The following BTBD9 variants were observed in gnomAD, a reference collection of about 807,000 sequenced individuals.
The protein encoded by BTBD9 is BTB domain containing 9.
BTBD9 carries 49 observed loss-of-function variants against 64.3 expected under a neutral mutation model. The observed-to-expected ratio is 0.76, with a 90% confidence interval of 0.61 to 0.97. The LOEUF is 0.97. BTBD9 is among the 50% of genes least tolerant of loss of function. BTBD9 has a pLI of 0.00. For synonymous variants in BTBD9, 260 were observed against 274.7 expected, an observed-to-expected ratio of 0.95 and a Z score of 0.53; for missense variants, 598 against 762.1, an observed-to-expected ratio of 0.78 and a Z score of 2.53.
chr6:38,396,902 T>TC (rs1400267245), intron 6 of BTBD9, among the ~76,000 whole-genome samples: 1 of 135,314 alleles, frequency 7.4e-6, no homozygotes, highest in South Asian at 2.6e-4. Flanking sequence ...TTTTTCTTTT[T>TC]TTTTTTTTTT....
At chr6:38,298,386 CATA>C (rs1033106767) in intron 7 of BTBD9, among the ~76,000 whole-genome samples, 26 of 152,210 alleles carry the variant, frequency 1.7e-4, no homozygotes, top group African/African-American at 5.3e-4. Context: ...AGTTTTGACA[CATA>C]ATATTTGTAC....
At chr6:38,411,907 C>A (rs1767443266) in intron 6 of BTBD9, among the ~76,000 whole-genome samples, 1 of 152,020 alleles carries the variant, frequency 6.6e-6, no homozygotes. Flanking sequence ...ATTTGGGCAA[C>A]AGGGCAAGAC....
At chr6:38,467,212 A>T (rs919571335) in intron 6 of BTBD9, among the ~76,000 whole-genome samples, 1 of 152,236 alleles carries the variant, frequency 6.6e-6, no homozygotes. Context: ...AAAGAATGCC[A>T]TAGAAAAGGA....
intron 10 of BTBD9, chr6:38,179,662 C>T (rs1040657809): frequency 1.1e-5 from 5 of 456,750 alleles, no homozygotes; most frequent in East Asian, 6.9e-5. Flanking sequence ...CTGCAAATGG[C>T]GAGTGGCAGG....
chr6:38,347,157 T>C (rs555018478), intron 6 of BTBD9, among the ~76,000 whole-genome samples: 4 of 152,320 alleles, frequency 2.6e-5, no homozygotes, highest in Admixed American at 6.5e-5. Context: ...AGTGCAAACA[T>C]TAGGAATGCG....
chr6:38,503,301 G>GAGA (rs1772298305), intron 6 of BTBD9, among the ~76,000 whole-genome samples: 1 of 151,798 alleles, frequency 6.6e-6, no homozygotes, highest in Non-Finnish European at 1.5e-5. Context: ...CCACAAACAG[G>GAGA]GCTGCTGCCC....
Position 38,345,107 on chromosome 6 carries a change from GAAAAGA to G in BTBD9, c.1155-20_1155-15del. On this transcript the variant is annotated splice_polypyrimidine_tract_variant and intron_variant, in intron 6 of 10. Coordinates refer to ENST00000481247, the MANE Select transcript of BTBD9 (RefSeq NM_001099272.2). ...ATTCGAATATACCTGACGGTAAAAA[GAAAAGA>G]AAATGTGTTGAAAATGAGCTCCCAC... 1 of 1,551,752 alleles carries G rather than the reference GAAAAGA, an allele frequency of 6.4e-7. No individual in the cohort carries two copies. Among genetic ancestry groups the G allele is most frequent in the South Asian group, 1.1e-5 (1 of 88,094 alleles).
chr6:38,231,600 C>T (rs1763606371), intron 9 of BTBD9, among the ~76,000 whole-genome samples: 1 of 152,178 alleles, frequency 6.6e-6, no homozygotes, highest in Non-Finnish European at 1.5e-5. Context: ...ACTCTATTTA[C>T]AGTAGGAACT....
At chr6:38,317,064 C>T (rs1271928900) in intron 7 of BTBD9, among the ~76,000 whole-genome samples, 3 of 150,880 alleles carry the variant, frequency 2.0e-5, no homozygotes, top group African/African-American at 4.9e-5. Context: ...GGTGTGATCT[C>T]GGCTCACTGC....
At chr6:38,355,269 C>G (rs1764674618) in intron 6 of BTBD9, among the ~76,000 whole-genome samples, 1 of 152,110 alleles carries the variant, frequency 6.6e-6, no homozygotes, top group African/African-American at 2.4e-5. Flanking sequence ...AACAGTCTAC[C>G]CAATCATTTA....
intron 6 of BTBD9, among the ~76,000 whole-genome samples, chr6:38,395,605 T>C (rs1766631288): frequency 6.6e-6 from 1 of 152,200 alleles, no homozygotes; most frequent in Admixed American, 6.5e-5. Context: ...GTTAATAGTA[T>C]TTGTTAGTAA....
chr6:38,566,862 C>A (rs1775544704), intron 6 of BTBD9, among the ~76,000 whole-genome samples: 1 of 152,202 alleles, frequency 6.6e-6, no homozygotes, highest in South Asian at 2.1e-4. Context: ...GAAACGCGTG[C>A]ATGCTTCTAC....
rs946240402 is a variant in BTBD9 at position 38,169,971 on chromosome 6, G to A, written c.*5014C>T. ...CTGGCTTCTGACTGGAAGCTCGCTG[G>A]GTGCAGCAGACTGGCCTGGGAGATG... is the stretch of plus-strand genomic sequence containing the variant. On this transcript the variant is annotated 3_prime_UTR_variant, in exon 11 of 11. Transcript: ENST00000481247. 2 of 152,210 alleles carry A rather than the reference G, an allele frequency of 1.3e-5. No individual in the cohort carries two copies. The highest frequency in any genetic ancestry group is 4.8e-5 in the African/African-American group (2 of 41,438). The allele number at this position is 152,210 out of a possible 1,614,324, so 9.4% of individuals were successfully genotyped here.
At chr6:38,374,054 T>C (rs1765532199) in intron 6 of BTBD9, among the ~76,000 whole-genome samples, 1 of 151,064 alleles carries the variant, frequency 6.6e-6, no homozygotes, top group Admixed American at 6.6e-5. Context: ...GCAGATCACT[T>C]GAGGTCAGGA....
At chr6:38,629,238 TA>T (rs1258878907) in intron 1 of BTBD9, among the ~76,000 whole-genome samples, 4 of 152,184 alleles carry the variant, frequency 2.6e-5, no homozygotes, top group Non-Finnish European at 5.9e-5. Flanking sequence ...CAATGAAGCC[TA>T]AAACTAGTCG....
At chr6:38,186,246 T>TC (rs1195330814) in intron 10 of BTBD9, among the ~76,000 whole-genome samples, 1 of 152,172 alleles carries the variant, frequency 6.6e-6, no homozygotes, top group Non-Finnish European at 1.5e-5. Context: ...TGGAACCTAC[T>TC]TCATATATGA....
At chr6:38,280,163 C>G (rs1761455755) in intron 8 of BTBD9, among the ~76,000 whole-genome samples, 2 of 152,198 alleles carry the variant, frequency 1.3e-5, no homozygotes, top group African/African-American at 4.8e-5. Flanking sequence ...GCATATTTAC[C>G]ATGCCCCCAA....
At chr6:38,424,352 T>C (rs1028235595) in intron 6 of BTBD9, among the ~76,000 whole-genome samples, 1 of 151,936 alleles carries the variant, frequency 6.6e-6, no homozygotes, top group African/African-American at 2.4e-5. Flanking sequence ...GGAAATTCTC[T>C]GTGATACAGA....
chr6:38,382,055 G>A (rs533070218), intron 6 of BTBD9, among the ~76,000 whole-genome samples: 7 of 152,100 alleles, frequency 4.6e-5, no homozygotes, highest in Non-Finnish European at 7.4e-5. Flanking sequence ...AAAACTGTCC[G>A]AATCAACTTT....
Sources: gnomAD v4.1 joint callset for allele counts (sites outside exome capture counted in the v4.1 genomes callset) on GRCh38, gnomAD v4.1.1 for gene constraint, MANE v1.5 for transcripts, NCBI Gene and HGNC (gene_info 2026-07-23, HGNC 2026-07-21) for gene names.